Variants in PCGF6 observed in about 807,000 individuals in gnomAD.
The protein encoded by PCGF6 is polycomb group ring finger 6.
PCGF6 carries 24 observed loss-of-function variants against 45.5 expected under a neutral mutation model. The ratio of observed to expected loss-of-function variants is 0.53; its 90% confidence interval spans 0.38 to 0.74. The LOEUF (loss-of-function observed/expected upper bound fraction) is 0.74, where lower values mean the gene tolerates loss of function less well. Among genes scored for constraint, PCGF6 ranks in the 30% least tolerant of loss-of-function variants. The probability of loss-of-function intolerance (pLI) is 0.00; values close to 1 mark genes in which losing one functional copy is unlikely to be tolerated. For synonymous variants in PCGF6, 152 were observed against 162.1 expected, an observed-to-expected ratio of 0.94 and a Z score of 0.47; for missense variants, 356 against 443.2, an observed-to-expected ratio of 0.80 and a Z score of 1.77.
intron 8 of PCGF6, among the ~76,000 whole-genome samples, chr10:103,318,328 A>G (rs2093183702): frequency 1.3e-5 from 2 of 151,628 alleles, no homozygotes; most frequent in African/African-American, 4.8e-5. Context: ...CTGTAATCCC[A>G]GCTACTCAGG....
intron 5 of PCGF6, among the ~76,000 whole-genome samples, chr10:103,345,391 A>G (rs527506864): frequency 6.6e-6 from 1 of 152,290 alleles, no homozygotes; most frequent in Non-Finnish European, 1.5e-5. Flanking sequence ...GAACAGCAAC[A>G]TGTGTAGACA....
At chr10:103,321,687 G>A (rs993174022) in intron 8 of PCGF6, among the ~76,000 whole-genome samples, 3 of 151,960 alleles carry the variant, frequency 2.0e-5, no homozygotes, top group African/African-American at 7.2e-5. Context: ...ACTCCAGCCT[G>A]GGTGACAGAG....
chr10:103,308,700 C>T (rs1286668723), intron 9 of PCGF6, among the ~76,000 whole-genome samples: 2 of 151,846 alleles, frequency 1.3e-5, no homozygotes, highest in African/African-American at 4.8e-5. Flanking sequence ...GGTAAAACCC[C>T]ATCTCTACAA....
At chr10:103,311,801 A>G (rs2093158302) in intron 9 of PCGF6, among the ~76,000 whole-genome samples, 1 of 151,452 alleles carries the variant, frequency 6.6e-6, no homozygotes, top group South Asian at 2.1e-4. Flanking sequence ...ATAGGCCATG[A>G]CTGTCAGCCA....
chr10:103,347,105 TAC>T (rs2093302448), intron 5 of PCGF6, 131 bp downstream of exon 5: 11 of 641,630 alleles, frequency 1.7e-5, no homozygotes, highest in Non-Finnish European at 2.6e-5. Context: ...TAAATTGGAT[TAC>T]ACACAGCATT....
At chr10:103,310,273 A>AG (rs1320099953) in intron 9 of PCGF6, among the ~76,000 whole-genome samples, 2 of 151,764 alleles carry the variant, frequency 1.3e-5, no homozygotes, top group East Asian at 1.9e-4. Flanking sequence ...TAAAAAAAAA[A>AG]AAAGAAAGAA....
rs546953515 is a variant in PCGF6, at chr10:103,328,686, G to A, written c.811-2054C>T. Among the ~76,000 whole-genome samples, 10 of 152,250 alleles carry A rather than the reference G, an allele frequency of 6.6e-5. No homozygotes were observed. In the East Asian group the frequency reaches 1.2e-3, roughly 18 times the overall value. ...AGCACTGAAGAGTTGTTAGTGTTGT[G>A]AGCCATTTGTCTCTAAGATTATTTG... On this transcript the variant is annotated intron_variant, in intron 7 of 9. Transcript: ENST00000369847.
At chr10:103,343,783 A>C (rs1365094081) in intron 6 of PCGF6, among the ~76,000 whole-genome samples, 2 of 141,692 alleles carry the variant, frequency 1.4e-5, no homozygotes, top group Non-Finnish European at 3.0e-5. Context: ...CAATAAGCTG[A>C]GATTGCACCA....
intron 9 of PCGF6, among the ~76,000 whole-genome samples, chr10:103,310,706 CTT>C (rs2093154352): frequency 1.3e-5 from 2 of 151,964 alleles, no homozygotes; most frequent in African/African-American, 4.8e-5. Flanking sequence ...TATTTCTTTT[CTT>C]TCTCTTTTTT....
At chr10:103,347,132 T>C in intron 5 of PCGF6, 106 bp downstream of exon 5, 1 of 822,080 alleles carries the variant, frequency 1.2e-6, no homozygotes. Context: ...TCAAAATCTC[T>C]CTGATCATAT....
In PCGF6 at chr10:103,348,798, T is replaced by C. The variant is rs201230559; in HGVS notation, c.475A>G (p.Ile159Val). ...ECLHTFCKSC[I>V]VRHFYYSNRC... ...TTGCTGTAGTAAAAATGTCTTACGATGCAGCTTTTACAAACTGTTGAAAAA... is the reference window on the plus strand; with the variant it reads ...TTGCTGTAGTAAAAATGTCTTACGACGCAGCTTTTACAAACTGTTGAAAAA... The change falls in exon 3 of 10, where the codon ATC becomes GTC. Residue 159 changes from isoleucine (I) to valine (V), a missense_variant. Ile to Val is a conservative substitution (Grantham distance 29). This residue lies in a region of PCGF6 where 307 missense variants were observed against 350.1 expected (regional missense o/e 0.88). Transcript: ENST00000369847. 209 of 1,612,968 alleles carry C rather than the reference T, an allele frequency of 1.3e-4. No individual in the cohort carries two copies. The highest frequency in any genetic ancestry group is 3.8e-4 in the Admixed American group (23 of 59,802).
intron 7 of PCGF6, among the ~76,000 whole-genome samples, chr10:103,332,081 C>T (rs776730175): frequency 3.3e-5 from 5 of 152,090 alleles, no homozygotes; most frequent in African/African-American, 4.8e-5. Flanking sequence ...CTTGAGCCAC[C>T]GCGCCCGGCC....
intron 9 of PCGF6, among the ~76,000 whole-genome samples, chr10:103,304,321 C>T (rs899502182): frequency 6.6e-6 from 1 of 151,864 alleles, no homozygotes; most frequent in Non-Finnish European, 1.5e-5. Context: ...ACGTATGTAT[C>T]ATATGCATGT....
intron 8 of PCGF6, among the ~76,000 whole-genome samples, chr10:103,318,170 C>T (rs1421626229): frequency 1.3e-5 from 2 of 149,430 alleles, no homozygotes; most frequent in East Asian, 2.1e-4. Context: ...CAACTGGGTG[C>T]GGTGGCTCAC....
chr10:103,335,795 G>T (rs571607096), intron 6 of PCGF6, among the ~76,000 whole-genome samples: 1 of 152,014 alleles, frequency 6.6e-6, no homozygotes, highest in Admixed American at 6.5e-5. Context: ...ATGAAACCCC[G>T]TCTCTCCTAA....
chr10:103,327,520 A>G (rs942057315), intron 7 of PCGF6, among the ~76,000 whole-genome samples: 1 of 152,190 alleles, frequency 6.6e-6, no homozygotes, highest in African/African-American at 2.4e-5. Context: ...CATTAATTTA[A>G]AAAACTGTAG....
chr10:103,325,930 G>A (rs1172107600), intron 8 of PCGF6, among the ~76,000 whole-genome samples: 1 of 151,958 alleles, frequency 6.6e-6, no homozygotes, highest in Non-Finnish European at 1.5e-5. Context: ...GGCTGAGACA[G>A]GAGGGAGGAC....
chr10:103,314,351 T>C, intron 8 of PCGF6, 79 bp from the exon 9 acceptor site: 1 of 887,482 alleles, frequency 1.1e-6, no homozygotes, highest in Non-Finnish European at 1.8e-6. Flanking sequence ...CAAATCAACA[T>C]AAATTGTTTC....
At chr10:103,338,411 G>C (rs1321550184) in intron 6 of PCGF6, among the ~76,000 whole-genome samples, 1 of 151,688 alleles carries the variant, frequency 6.6e-6, no homozygotes. Flanking sequence ...CGGGCGTGGT[G>C]GCAGGCACCT....
Sources: allele counts gnomAD v4.1 joint callset (sites outside exome capture counted in the v4.1 genomes callset), GRCh38; gene constraint gnomAD v4.1.1; regional missense constraint gnomAD v4.1.1; transcripts MANE v1.5; gene names NCBI Gene and HGNC (gene_info 2026-07-23, HGNC 2026-07-21).